The following EDN3 variants were observed in gnomAD, a reference collection of about 807,000 sequenced individuals.
EDN3 encodes endothelin 3.
EDN3 carries 9 observed loss-of-function variants against 21.4 expected under a neutral mutation model. That is an observed-to-expected ratio of 0.42 (90% CI 0.25 to 0.73). The LOEUF is 0.73. Among genes scored for constraint, EDN3 ranks in the 30% least tolerant of loss-of-function variants. EDN3 has a pLI of 0.26. For synonymous variants in EDN3, 133 were observed against 126.2 expected (o/e 1.05, Z -0.36); for missense variants, 327 against 309.4 (o/e 1.06, Z -0.43).
At chr20:59,317,686 A>T (rs906831776) in intron 2 of EDN3, among the ~76,000 whole-genome samples, 2 of 152,182 alleles carry the variant, frequency 1.3e-5, no homozygotes, top group African/African-American at 4.8e-5. Context: ...TGTCCCTGTG[A>T]CACTTACATT....
intron 2 of EDN3, among the ~76,000 whole-genome samples, chr20:59,312,967 G>C (rs1382141045): frequency 1.3e-5 from 2 of 152,172 alleles, no homozygotes; most frequent in East Asian, 3.8e-4. Flanking sequence ...CATCTACGCA[G>C]CCTAGTTTGT....
chr20:59,305,417 G>T lies in EDN3; in HGVS notation c.365+3695G>T, dbSNP rs528171626. On this transcript the variant is annotated intron_variant, in intron 2 of 4. Coordinates refer to ENST00000337938, the MANE Select transcript of EDN3 (RefSeq NM_207034.3). This position sits in a 1 kb window ranked among gnomAD's most constrained non-coding sequence, Gnocchi z 4.2. The stretch of plus-strand genomic sequence containing the variant: ...CCTCTATGAGCAGACTGAAGAAACA[G>T]ATACCAGGTAGCTGGGGCCTGTAGG... 4.6e-5 allele frequency among the ~76,000 whole-genome samples: 7 copies of T among 152,338 alleles called. No individual in the cohort carries two copies. In the South Asian group the frequency reaches 1.5e-3, roughly 32 times the overall value.
chr20:59,321,448 T>A (rs1195896807), intron 3 of EDN3, among the ~76,000 whole-genome samples: 1 of 152,234 alleles, frequency 6.6e-6, no homozygotes, highest in Non-Finnish European at 1.5e-5. Flanking sequence ...CGTGGCTACA[T>A]CTGGTTTCCA....
rs1336352416 is a variant in EDN3 at position 59,322,519 on chromosome 20, C to T, written c.588+102C>T. 6.7e-7 allele frequency: 1 copy of T among 1,498,764 alleles called. No individual in the cohort carries two copies. Among genetic ancestry groups the T allele is most frequent in the Non-Finnish European group, 9.3e-7 (1 of 1,080,796 alleles). 92.8% of individuals were successfully genotyped at this position (1,498,764 alleles called of 1,614,324 possible). A position where few individuals can be genotyped will look rare whatever the true frequency, so the allele number is the denominator to read the frequency against. Reference sequence around the variant, plus strand: ...GTGTTTTGAGGGGATGGCATCTGGTCTGGTCCAGTGGGAACCCCAGATCTC... The same window carrying T: ...GTGTTTTGAGGGGATGGCATCTGGTTTGGTCCAGTGGGAACCCCAGATCTC... On this transcript the variant is annotated intron_variant, in intron 4 of 4. Coordinates refer to ENST00000337938, the MANE Select transcript of EDN3 (RefSeq NM_207034.3). The surrounding 1 kb of genome is among the most constrained non-coding windows in gnomAD (Gnocchi z 4.1).
chr20:59,301,801 C>T (rs1239060582), intron 2 of EDN3, 79 bp downstream of exon 2: 4 of 1,493,582 alleles, frequency 2.7e-6, no homozygotes, highest in African/African-American at 2.8e-5. Flanking sequence ...GACCTCACTC[C>T]ACCCCAGCCC....
intron 2 of EDN3, among the ~76,000 whole-genome samples, chr20:59,313,735 G>A (rs1989988555): frequency 6.6e-6 from 1 of 152,252 alleles, no homozygotes; most frequent in South Asian, 2.1e-4. Context: ...GCAGCAGAAG[G>A]AAAGCTATGA....
Position 59,301,714 on chromosome 20 carries a change from C to T in EDN3, c.357C>T (p.Asn119=). ...GCCACCTGGACATCATTTGGATCAA[C>T]ACTCCCGAGTAAGTCAGCCTTTTGT... The part of the protein sequence containing the change: ...YYCHLDIIWI[N]TPEQTVPYGL... Residue 119 remains asparagine (N), a synonymous_variant, in exon 2 of 5, where the codon AAC becomes AAT. Transcript: ENST00000337938. The T allele has an allele frequency of 1.9e-6, 3 of 1,614,140 alleles. No homozygotes were observed. The highest frequency in any genetic ancestry group is 2.5e-6 in the Non-Finnish European group (3 of 1,179,980).
intron 1 of EDN3, among the ~76,000 whole-genome samples, chr20:59,301,103 T>C (rs960710675): frequency 6.6e-6 from 1 of 152,222 alleles, no homozygotes; most frequent in African/African-American, 2.4e-5. Flanking sequence ...CTGGGCCGAC[T>C]TGGTCAATTT....
intron 2 of EDN3, among the ~76,000 whole-genome samples, chr20:59,303,193 T>C (rs1325547266): frequency 2.0e-5 from 3 of 152,182 alleles, no homozygotes; most frequent in Non-Finnish European, 4.4e-5. Flanking sequence ...TCCCATAAAT[T>C]CTGTAGCTGG....
intron 2 of EDN3, among the ~76,000 whole-genome samples, chr20:59,320,745 G>A (rs1990481727): frequency 6.6e-6 from 1 of 152,238 alleles, no homozygotes; most frequent in Non-Finnish European, 1.5e-5. Context: ...CGCCTGCTGG[G>A]CTCCAAGAGT....
At chr20:59,324,223 G>T in intron 4 of EDN3, 108 bp from the exon 5 acceptor site, 2 of 1,393,994 alleles carry the variant, frequency 1.4e-6, no homozygotes, top group Non-Finnish European at 2.0e-6. Flanking sequence ...GAACAGGCTG[G>T]AGAGGCAGTG....
intron 3 of EDN3, 83 bp downstream of exon 3, chr20:59,321,276 G>GGT: frequency 6.8e-7 from 1 of 1,481,222 alleles, no homozygotes; most frequent in Non-Finnish European, 9.4e-7. Flanking sequence ...CTCAAAGGAG[G>GGT]GTGTAGGATA....
chr20:59,322,555 G>A lies in EDN3; in HGVS notation c.588+138G>A, dbSNP rs138200790. The A allele has an allele frequency of 4.1e-4, 471 of 1,155,054 alleles. 3 individuals carry two copies. The African/African-American group carries it at 6.5e-3, about 16-fold the overall frequency. 71.6% of individuals were successfully genotyped at this position (1,155,054 alleles called of 1,614,324 possible). ...GGAACCCCAGATCTCATGGGATGCT[G>A]CACCCACAAGCAATGGTGCCTTTGG... On this transcript the variant is annotated intron_variant, in intron 4 of 4. Coordinates refer to ENST00000337938, the MANE Select transcript of EDN3 (RefSeq NM_207034.3). This position sits in a 1 kb window ranked among gnomAD's most constrained non-coding sequence, Gnocchi z 4.1.
rs155001 is a variant in EDN3, at chr20:59,300,989, C to T, written c.52+125C>T. The T allele has an allele frequency of 0.06, 69,654 of 1,152,400 alleles. 2,545 individuals carry two copies. Among genetic ancestry groups the T allele is most frequent in the African/African-American group, 0.13 (8,154 of 64,980 alleles). The allele number at this position is 1,152,400 out of a possible 1,614,324, so 71.4% of individuals were successfully genotyped here. On this transcript the variant is annotated intron_variant, in intron 1 of 4. Transcript: ENST00000337938. ...CAAACTCTTGCCTGGGCTCTGCACT[C>T]GTGAAGACGCCTGGGGGAGGGCTGG...
chr20:59,302,759 G>A (rs1989136029), intron 2 of EDN3, among the ~76,000 whole-genome samples: 2 of 152,204 alleles, frequency 1.3e-5, no homozygotes, highest in South Asian at 4.2e-4. Context: ...CAAGCCCCTG[G>A]AAGCCTGGAA....
intron 2 of EDN3, among the ~76,000 whole-genome samples, 190 bp from the exon 3 acceptor site, chr20:59,320,827 G>A (rs768547268): frequency 1.6e-4 from 24 of 152,224 alleles, no homozygotes; most frequent in African/African-American, 2.2e-4. Context: ...CTTCCTGGGG[G>A]TTGTGGAGGG....
Position 59,321,112 on chromosome 20 carries a change from G to T in EDN3, c.461G>T (p.Arg154Leu). The T allele has an allele frequency of 6.2e-7, 1 of 1,614,222 alleles. No individual in the cohort carries two copies. Among genetic ancestry groups the T allele is most frequent in the Non-Finnish European group, 8.5e-7 (1 of 1,180,044 alleles). The change falls in exon 3 of 5, where the codon CGG (arginine) becomes CTG (leucine). Residue 154 changes from arginine (R) to leucine (L), a missense_variant. Physicochemically the swap from Arg to Leu is moderately radical, Grantham distance 102. Transcript: ENST00000337938. ...PLPGNLQLSH[R>L]PHLRCACVGR... is the part of the protein sequence containing the mutation. ...CCAGGGAATCTGCAGCTCTCACATCGGCCACACTTGCGCTGCGCTTGTGTG... is the reference window on the plus strand; with the variant it reads ...CCAGGGAATCTGCAGCTCTCACATCTGCCACACTTGCGCTGCGCTTGTGTG...
chr20:59,311,872 G>A lies in EDN3; in HGVS notation c.366-9145G>A, dbSNP rs73310960. On this transcript the variant is annotated intron_variant, in intron 2 of 4. Transcript: ENST00000337938. ...ATTACACAAGGACACAGACAATTAG[G>A]TTAGGTGGAAGATGAGCGTATCTTT... Among the ~76,000 whole-genome samples the A allele has an allele frequency of 7.6e-4, 116 of 152,258 alleles. 1 individual carries two copies. The highest frequency in any genetic ancestry group is 2.7e-3 in the African/African-American group (114 of 41,536).
intron 4 of EDN3, 59 bp from the exon 5 acceptor site, chr20:59,324,272 G>A (rs1318621823): frequency 6.2e-7 from 1 of 1,610,246 alleles, no homozygotes; most frequent in Non-Finnish European, 8.5e-7. Context: ...GAACTACAGA[G>A]CTACACTTTC....
Sources: allele counts gnomAD v4.1 joint callset (sites outside exome capture counted in the v4.1 genomes callset), GRCh38; gene constraint gnomAD v4.1.1; non-coding constraint Gnocchi (gnomAD v3.1); transcripts MANE v1.5; gene names NCBI Gene and HGNC (gene_info 2026-07-23, HGNC 2026-07-21).